SHCBP1L: variants seen among roughly 807,000 people sequenced by gnomAD.
The protein encoded by SHCBP1L is testicular spindle-associated protein SHCBP1L.
SHCBP1L carries 67 observed loss-of-function variants against 62.5 expected under a neutral mutation model. The ratio of observed to expected loss-of-function variants is 1.07; its 90% CI spans 0.88 to 1.31. The LOEUF (loss-of-function observed/expected upper bound fraction) is 1.31, where lower values mean the gene tolerates loss of function less well. SHCBP1L is among the 40% of genes most tolerant of loss of function. The pLI is 0.00. For missense variants in SHCBP1L, 823 were observed against 809.8 expected (o/e 1.02, Z -0.20); for synonymous variants, 284 against 289.4 (o/e 0.98, Z 0.19).
intron 6 of SHCBP1L, among the ~76,000 whole-genome samples, chr1:182,922,378 C>A (rs1342044078): frequency 2.0e-5 from 3 of 151,928 alleles, no homozygotes; most frequent in African/African-American, 7.2e-5. Flanking sequence ...CATGGTGAAA[C>A]CCCATCTCTA....
intron 9 of SHCBP1L, among the ~76,000 whole-genome samples, chr1:182,902,043 TTTTC>T (rs1274979429): frequency 2.6e-5 from 4 of 151,462 alleles, no homozygotes; most frequent in African/African-American, 9.7e-5. Context: ...TTCTTTTCTT[TTTTC>T]TTTCTTTTTT....
intron 6 of SHCBP1L, among the ~76,000 whole-genome samples, chr1:182,915,996 C>T (rs892864122): frequency 2.6e-5 from 4 of 151,878 alleles, no homozygotes; most frequent in African/African-American, 9.7e-5. Context: ...TTAGTGGAGA[C>T]GGGGTTTCAC....
At chr1:182,936,032 G>A (rs1407574232) in intron 5 of SHCBP1L, among the ~76,000 whole-genome samples, 1 of 151,566 alleles carries the variant, frequency 6.6e-6, no homozygotes, top group African/African-American at 2.4e-5. Flanking sequence ...CCATATTGTA[G>A]CTGGTTTCTA....
At chr1:182,905,690 A>T (rs944943517) in intron 6 of SHCBP1L, 41 bp from the exon 7 acceptor site, 5 of 1,576,692 alleles carry the variant, frequency 3.2e-6, no homozygotes, top group African/African-American at 1.4e-5. Context: ...ATAATAGGTT[A>T]AACTGAAACA....
At chr1:182,907,556 CTTATTCTTA>C (rs1650053516) in intron 6 of SHCBP1L, among the ~76,000 whole-genome samples, 1 of 149,828 alleles carries the variant, frequency 6.7e-6, no homozygotes, top group African/African-American at 2.5e-5. Flanking sequence ...ATATATCTTT[CTTATTCTTA>C]TTATTATTAT....
chr1:182,947,565 C>A (rs938118263), intron 2 of SHCBP1L, among the ~76,000 whole-genome samples: 1 of 152,160 alleles, frequency 6.6e-6, no homozygotes, highest in Non-Finnish European at 1.5e-5. Context: ...CACTTATATG[C>A]GTATTTTCTT....
intron 6 of SHCBP1L, among the ~76,000 whole-genome samples, chr1:182,921,323 C>G (rs997423130): frequency 3.3e-5 from 5 of 152,138 alleles, no homozygotes; most frequent in African/African-American, 1.2e-4. Context: ...TCATTACCAC[C>G]AGACCTTACA....
At chr1:182,911,455 A>C (rs1240194542) in intron 6 of SHCBP1L, among the ~76,000 whole-genome samples, 1 of 152,214 alleles carries the variant, frequency 6.6e-6, no homozygotes, top group African/African-American at 2.4e-5. Flanking sequence ...ATTGCAAGAC[A>C]TACAAAAAAA....
At chr1:182,950,534 C>T (rs1651712040) in intron 2 of SHCBP1L, 1 of 151,684 alleles carries the variant, frequency 6.6e-6, no homozygotes. Flanking sequence ...ACCAAAGATA[C>T]AAAAAATTAG....
intron 1 of SHCBP1L, among the ~76,000 whole-genome samples, chr1:182,952,170 A>G (rs1651767726): frequency 2.9e-5 from 1 of 34,470 alleles, no homozygotes; most frequent in Non-Finnish European, 5.0e-5. Context: ...AAAAAAAAAA[A>G]AAAAAAAAAA....
chr1:182,935,006 G>T (rs1315358336), intron 5 of SHCBP1L, among the ~76,000 whole-genome samples: 1 of 151,926 alleles, frequency 6.6e-6, no homozygotes, highest in African/African-American at 2.4e-5. Flanking sequence ...GACTATATAA[G>T]GACTCTATTT....
At chr1:182,910,599 T>C (rs1650147462) in intron 6 of SHCBP1L, among the ~76,000 whole-genome samples, 1 of 152,168 alleles carries the variant, frequency 6.6e-6, no homozygotes, top group South Asian at 2.1e-4. Flanking sequence ...AGAAAGATTT[T>C]TGGAGGAATA....
At chr1:182,933,731 C>T (rs145829612) in intron 5 of SHCBP1L, among the ~76,000 whole-genome samples, 28 of 152,086 alleles carry the variant, frequency 1.8e-4, no homozygotes, top group African/African-American at 5.1e-4. Flanking sequence ...TGCTGGACTC[C>T]ATTTGTTAGT....
intron 2 of SHCBP1L, among the ~76,000 whole-genome samples, chr1:182,944,820 T>A (rs956810945): frequency 6.6e-6 from 1 of 152,200 alleles, no homozygotes; most frequent in Non-Finnish European, 1.5e-5. Context: ...TCAGCATTTA[T>A]CTTAATATGT....
chr1:182,952,219 TATATATATATATATATACACACAC>T (rs1407643208), intron 1 of SHCBP1L, among the ~76,000 whole-genome samples: 20 of 62,992 alleles, frequency 3.2e-4, no homozygotes, highest in Middle Eastern at 0.012. Context: ...TATATATATA[TATATATATATATATATACACACAC>T]ACACACACAC....
Position 182,934,639 on chromosome 1 carries a change from A to T in SHCBP1L, c.1076+4537T>A, listed in dbSNP as rs565406308. ...CTCCTAATCTGTGGCTAGTTTCTTC[A>T]TTCTCTTAATAGTGTATTTTTCAGA... On this transcript the variant is annotated intron_variant, in intron 5 of 9. Transcript: ENST00000367547. Among the ~76,000 whole-genome samples, 42 of 152,220 alleles carry T rather than the reference A, an allele frequency of 2.8e-4. No individual in the cohort carries two copies. In the South Asian group the frequency reaches 8.5e-3, roughly 31 times the overall value.
In SHCBP1L at chr1:182,919,027, G is replaced by A. The variant is rs979345303; in HGVS notation, c.1182+10620C>T. ...ATTGATTAACAACCTATATATAAGAGCTAAAACCATAAAACTCTTAGGAAA... is the reference window on the plus strand; with the variant it reads ...ATTGATTAACAACCTATATATAAGAACTAAAACCATAAAACTCTTAGGAAA... On this transcript the variant is annotated intron_variant, in intron 6 of 9. Coordinates refer to ENST00000367547, the MANE Select transcript of SHCBP1L (RefSeq NM_030933.4). Among the ~76,000 whole-genome samples, 10 of 152,098 alleles carry A rather than the reference G, an allele frequency of 6.6e-5. No homozygotes were observed. The East Asian group carries it at 1.9e-3, about 29-fold the overall frequency.
chr1:182,914,219 TA>T (rs1266363413), intron 6 of SHCBP1L, among the ~76,000 whole-genome samples: 5 of 152,108 alleles, frequency 3.3e-5, no homozygotes, highest in Non-Finnish European at 5.9e-5. Context: ...CATTTCTAGA[TA>T]AAAAAAGTTA....
intron 6 of SHCBP1L, among the ~76,000 whole-genome samples, chr1:182,915,683 A>T (rs1396660291): frequency 6.6e-6 from 1 of 152,188 alleles, no homozygotes; most frequent in Admixed American, 6.5e-5. Context: ...TATACCATCT[A>T]TTAGGCCACA....
Sources: allele counts gnomAD v4.1 joint callset (sites outside exome capture counted in the v4.1 genomes callset), GRCh38; gene constraint gnomAD v4.1.1; transcripts MANE v1.5; gene names NCBI Gene and HGNC (gene_info 2026-07-23, HGNC 2026-07-21).